The following COL6A5 variants were observed in gnomAD, a reference collection of about 807,000 sequenced individuals.
COL6A5 encodes collagen alpha-5(VI) chain.
Under a neutral mutation model 65.6 loss-of-function variants are expected in COL6A5, and 48 were observed. The observed-to-expected ratio is 0.73, with a 90% CI of 0.58 to 0.93. The LOEUF is 0.93. Among genes scored for constraint, COL6A5 ranks in the 40% least tolerant of loss-of-function variants. The pLI, the probability that COL6A5 is intolerant of heterozygous loss-of-function variation, is 0.00. For synonymous variants in COL6A5, 291 were observed against 322.8 expected, an observed-to-expected ratio of 0.90 and a Z score of 1.05; for missense variants, 914 against 928.3, an observed-to-expected ratio of 0.98 and a Z score of 0.20.
intron 2 of COL6A5, among the ~76,000 whole-genome samples, chr3:130,375,198 G>C (rs369760364): frequency 6.6e-6 from 1 of 152,162 alleles, no homozygotes; most frequent in Non-Finnish European, 1.5e-5. Flanking sequence ...GCTCATGGCT[G>C]TGCCCCATTT....
intron 1 of COL6A5, among the ~76,000 whole-genome samples, chr3:130,370,516 A>G (rs78734759): frequency 0.016 from 2,461 of 152,300 alleles, 71 homozygotes; most frequent in African/African-American, 0.056. Flanking sequence ...GGAGGAATAC[A>G]AATTTCACCC....
chr3:130,470,398 G>T lies in COL6A5; in HGVS notation c.2232-473G>T, dbSNP rs115306241. ...TAAAGCCCCAGGGCTTACACAGTTC[G>T]CAGGAATCTTGGAATTTAGCAGTTA... On this transcript the variant is annotated intron_variant, in intron 6 of 7. Coordinates refer to ENST00000512836, the Ensembl canonical transcript of COL6A5. 4.2e-3 allele frequency among the ~76,000 whole-genome samples: 635 copies of T among 152,078 alleles called. 7 individuals carry two copies. The highest frequency in any genetic ancestry group is 0.015 in the African/African-American group (607 of 41,494).
Position 130,388,560 on chromosome 3 carries a change from T to G in COL6A5, c.1862-20T>G. The G allele has an allele frequency of 1.4e-6, 2 of 1,424,834 alleles. No homozygotes were observed. The highest frequency in any genetic ancestry group is 1.9e-6 in the Non-Finnish European group (2 of 1,072,768). The allele number at this position is 1,424,834 out of a possible 1,614,324, so 88.3% of individuals were successfully genotyped here. On this transcript the variant is annotated intron_variant and NMD_transcript_variant, in intron 5 of 41. Coordinates refer to the COL6A5 transcript ENST00000312481. ...CTTTCCAACCTGGTTATTTCTGGTC[T>G]TTTTTTTTATAACATGCAGGATGTG...
chr3:130,423,614 T>C (rs186368530), intron 28 of COL6A5, among the ~76,000 whole-genome samples: 1 of 152,232 alleles, frequency 6.6e-6, no homozygotes, highest in Admixed American at 6.5e-5. Context: ...GCACGGCCAG[T>C]GCCAGAACAA....
At chr3:130,472,020 G>A (rs769100873) in intron 7 of COL6A5, 94 bp downstream of exon 40, 6 of 1,208,314 alleles carry the variant, frequency 5.0e-6, no homozygotes, top group Non-Finnish European at 6.8e-6. Context: ...CACTGGGAGA[G>A]GTAGAGATGA....
chr3:130,435,854 C>A (rs1938016342), intron 1 of COL6A5, among the ~76,000 whole-genome samples: 2 of 132,952 alleles, frequency 1.5e-5, no homozygotes, highest in Non-Finnish European at 3.3e-5. Flanking sequence ...ATGGGGTTTT[C>A]TAAATATACA....
chr3:130,382,878 A>G (rs1205140650), intron 4 of COL6A5, among the ~76,000 whole-genome samples: 2 of 152,130 alleles, frequency 1.3e-5, no homozygotes, highest in Admixed American at 6.6e-5. Flanking sequence ...AGAGCTATCA[A>G]TGCCCAGGGG....
intron 1 of COL6A5, among the ~76,000 whole-genome samples, chr3:130,437,720 T>TC (rs940147025): frequency 1.3e-5 from 2 of 152,050 alleles, no homozygotes; most frequent in African/African-American, 4.8e-5. Flanking sequence ...AGCTAGGCAT[T>TC]CCCCTCGCTT....
intron 5 of COL6A5, among the ~76,000 whole-genome samples, chr3:130,467,243 G>C (rs182033180): frequency 2.6e-5 from 4 of 151,858 alleles, no homozygotes; most frequent in Admixed American, 2.6e-4. Flanking sequence ...GTTAACAGAA[G>C]CTAGGAAGGC....
intron 1 of COL6A5, among the ~76,000 whole-genome samples, chr3:130,432,370 T>C (rs914770740): frequency 1.3e-4 from 20 of 151,996 alleles, no homozygotes; most frequent in African/African-American, 4.6e-4. Context: ...CTGGCCAACA[T>C]GGTGAAACTT....
At chr3:130,411,464 T>G (rs994194128) in intron 20 of COL6A5, among the ~76,000 whole-genome samples, 2 of 152,170 alleles carry the variant, frequency 1.3e-5, no homozygotes, top group African/African-American at 4.8e-5. Context: ...AAGAAATGTG[T>G]TTTTATACCA....
intron 5 of COL6A5, among the ~76,000 whole-genome samples, chr3:130,458,605 G>C (rs1161715559): frequency 6.6e-6 from 1 of 152,148 alleles, no homozygotes; most frequent in East Asian, 1.9e-4. Context: ...TGGTGTGCCA[G>C]ATTTAATCTG....
chr3:130,459,137 G>A (rs1293171992), intron 5 of COL6A5, among the ~76,000 whole-genome samples: 1 of 152,016 alleles, frequency 6.6e-6, no homozygotes, highest in Non-Finnish European at 1.5e-5. Context: ...ACTCAGCCTA[G>A]GCCCTGCTCC....
intron 7 of COL6A5, among the ~76,000 whole-genome samples, chr3:130,393,261 T>TGCCCACCATGAACACTCCA (rs1315564503): frequency 6.6e-6 from 1 of 152,090 alleles, no homozygotes; most frequent in African/African-American, 2.4e-5. Flanking sequence ...CACACTATCC[T>TGCCCACCATGAACACTCCA]GCCCACCATG....
rs374666876 is a variant in COL6A5, at chr3:130,384,008, A to G, written c.1301-796A>G. Among the ~76,000 whole-genome samples, 373 of 152,244 alleles carry G rather than the reference A, an allele frequency of 2.5e-3. 1 individual carries two copies. The highest frequency in any genetic ancestry group is 8.6e-3 in the African/African-American group (357 of 41,568). On this transcript the variant is annotated intron_variant and NMD_transcript_variant, in intron 4 of 41. Transcript: ENST00000312481. ...AATGAAGAAGGTAACTTCAGAAAGT[A>G]ACATAAAGAAAATAAACACTGTAAG...
chr3:130,470,372 A>G (rs1709917905), intron 6 of COL6A5, among the ~76,000 whole-genome samples: 1 of 152,020 alleles, frequency 6.6e-6, no homozygotes, highest in African/African-American at 2.4e-5. Flanking sequence ...TCTGGCATGC[A>G]TAAAGCCCCA....
Position 130,353,160 on chromosome 3 carries a change from A to C in COL6A5, c.-29+7179A>C, listed in dbSNP as rs143443841. On this transcript the variant is annotated intron_variant and NMD_transcript_variant, in intron 1 of 41. Coordinates refer to the COL6A5 transcript ENST00000312481. Reference sequence around the variant, plus strand: ...AGTAGCAATGACCAGTTAAAACTATAATGAGAGGAACATTTCTGTTCTCAA... The same window carrying C: ...AGTAGCAATGACCAGTTAAAACTATCATGAGAGGAACATTTCTGTTCTCAA... 2.7e-3 allele frequency among the ~76,000 whole-genome samples: 408 copies of C among 152,336 alleles called. 1 individual carries two copies. Among genetic ancestry groups the C allele is most frequent in the African/African-American group, 9.3e-3 (387 of 41,580 alleles).
chr3:130,464,460 T>C (rs998627887), intron 5 of COL6A5, among the ~76,000 whole-genome samples: 19 of 152,062 alleles, frequency 1.2e-4, no homozygotes, highest in Non-Finnish European at 2.1e-4. Flanking sequence ...TAACAAAGTG[T>C]GTTGGTTGGC....
Position 130,475,561 on chromosome 3 carries a change from A to T in COL6A5, c.2328+4594A>T, listed in dbSNP as rs1039713901. ...TCTGGAATAAAGACAAAATAAAGGC[A>T]TTCTCAGATGAAGGAAAATTAAGAG... On this transcript the variant is annotated intron_variant, in intron 7 of 7. Coordinates refer to ENST00000512836, the Ensembl canonical transcript of COL6A5. 2.6e-5 allele frequency among the ~76,000 whole-genome samples: 4 copies of T among 152,100 alleles called. No homozygotes were observed. The South Asian group carries it at 8.3e-4, about 32-fold the overall frequency.
Sources: allele counts gnomAD v4.1 joint callset (sites outside exome capture counted in the v4.1 genomes callset), GRCh38; gene constraint gnomAD v4.1.1; transcripts MANE v1.5; gene names NCBI Gene and HGNC (gene_info 2026-07-23, HGNC 2026-07-21).